Variants in FRMD4A observed in about 807,000 individuals in gnomAD.
The protein encoded by FRMD4A is FERM domain containing 4A.
Under a neutral mutation model 129.1 loss-of-function variants are expected in FRMD4A, and 29 were observed. The observed-to-expected ratio is 0.22, with a 90% CI of 0.17 to 0.31. FRMD4A has a LOEUF of 0.31. Ranked by LOEUF, FRMD4A falls within the 10% of genes least tolerant of loss-of-function variation. FRMD4A has a pLI of 1.00. For missense variants in FRMD4A, 1,272 were observed against 1,375.8 expected (o/e 0.92, Z 1.19); for synonymous variants, 634 against 571.6 (o/e 1.11, Z -1.56).
At chr10:13,658,132 T>TAA (rs565374030) in intron 21 of FRMD4A, among the ~76,000 whole-genome samples, 1,733 of 81,188 alleles carry the variant, frequency 0.021, 62 homozygotes, top group African/African-American at 0.028. Flanking sequence ...CTGTCTCTCT[T>TAA]AAAAAAAAAA....
chr10:13,758,389 T>G (rs1166558736), intron 8 of FRMD4A, among the ~76,000 whole-genome samples: 1 of 152,230 alleles, frequency 6.6e-6, no homozygotes, highest in Non-Finnish European at 1.5e-5. Flanking sequence ...AAGCTGGTAT[T>G]TTATTAATGT....
intron 2 of FRMD4A, among the ~76,000 whole-genome samples, chr10:14,169,441 C>T (rs1225775356): frequency 6.6e-6 from 1 of 152,132 alleles, no homozygotes; most frequent in African/African-American, 2.4e-5. Context: ...GCACACACAC[C>T]CTTTTCCTAT....
At chr10:13,669,542 A>C (rs74121827) in intron 17 of FRMD4A, among the ~76,000 whole-genome samples, 2,778 of 152,198 alleles carry the variant, frequency 0.018, 86 homozygotes, top group African/African-American at 0.063. Flanking sequence ...GTTTCTCCCA[A>C]TCACTTTCTT....
chr10:13,944,351 A>G (rs2095316154), intron 2 of FRMD4A, among the ~76,000 whole-genome samples: 1 of 152,014 alleles, frequency 6.6e-6, no homozygotes, highest in Non-Finnish European at 1.5e-5. Context: ...TGAGAATTCA[A>G]TGCCTGATGA....
intron 2 of FRMD4A, among the ~76,000 whole-genome samples, chr10:14,185,494 TA>T (rs1842068755): frequency 1.3e-5 from 2 of 152,188 alleles, no homozygotes; most frequent in East Asian, 1.9e-4. Flanking sequence ...GTAATTTTTC[TA>T]ACTTCAAGTA....
chr10:13,657,262 G>T lies in FRMD4A; in HGVS notation c.2327C>A (p.Pro776Gln), dbSNP rs574565219. 2 of 1,599,348 alleles carry T rather than the reference G, an allele frequency of 1.3e-6. No homozygotes were observed. Among genetic ancestry groups the T allele is most frequent in the Non-Finnish European group, 1.7e-6 (2 of 1,176,238 alleles). ...ANYSTLAEDS[P>Q]SKARQRQRQR... ...CCTCTGCCTCTGGCGCGCCTTGGAC[G>T]GCGAGTCCTCGGCCAGCGTGGAGTA... The change falls in exon 22 of 25, where the codon CCG (proline) becomes CAG (glutamine). Residue 776 changes from proline (P) to glutamine (Q), a missense_variant. Pro to Gln is a moderately conservative substitution (Grantham distance 76, BLOSUM62 -1). This residue lies in a region of FRMD4A where 972 missense variants were observed against 892.3 expected (regional missense o/e 1.09). Coordinates refer to ENST00000357447, the MANE Select transcript of FRMD4A (RefSeq NM_018027.5).
At chr10:13,764,099 T>C (rs2092183266) in intron 6 of FRMD4A, among the ~76,000 whole-genome samples, 1 of 152,064 alleles carries the variant, frequency 6.6e-6, no homozygotes, top group Non-Finnish European at 1.5e-5. Context: ...TGTAAACAAT[T>C]TGATGAGTTT....
chr10:14,229,392 T>A (rs1411691595), intron 2 of FRMD4A, among the ~76,000 whole-genome samples: 1 of 152,198 alleles, frequency 6.6e-6, no homozygotes, highest in Non-Finnish European at 1.5e-5. Flanking sequence ...AAATATTACA[T>A]TTCTTTAAGT....
At chr10:14,187,836 TA>T (rs1207420555) in intron 2 of FRMD4A, among the ~76,000 whole-genome samples, 8 of 152,254 alleles carry the variant, frequency 5.3e-5, no homozygotes, top group African/African-American at 1.4e-4. Flanking sequence ...CATATTTCAC[TA>T]GGGGGAAATA....
Position 13,659,450 on chromosome 10 carries a change from C to G in FRMD4A, c.1939G>C (p.Ala647Pro). Residue 647 changes from alanine (A) to proline (P), a missense_variant, in exon 21 of 25, where the codon GCC becomes CCC. Ala to Pro is a conservative substitution (Grantham distance 27, BLOSUM62 -1). Around this residue, in one of 2 missense-constraint regions of FRMD4A, gnomAD observed 972 missense variants for 892.3 expected, o/e 1.09. Transcript: ENST00000357447. ...TGCAAGGAGTTGCTTCCTCCGCCGG[C>G]TTCCGCACAGCTTCCTGTGCTGGGG... is the stretch of plus-strand genomic sequence containing the variant. ...RFPSTGSCAE[A>P]GGGSNSLQNS... The G allele has an allele frequency of 5.0e-6, 8 of 1,613,588 alleles. No homozygotes were observed. The highest frequency in any genetic ancestry group is 6.8e-6 in the Non-Finnish European group (8 of 1,179,916).
At chr10:13,687,281 G>A (rs1008906042) in intron 15 of FRMD4A, among the ~76,000 whole-genome samples, 9 of 152,204 alleles carry the variant, frequency 5.9e-5, no homozygotes, top group Non-Finnish European at 1.2e-4. Context: ...GGGCGACAGA[G>A]CAAGACTCCA....
chr10:13,779,349 C>T (rs79462713), intron 6 of FRMD4A, among the ~76,000 whole-genome samples: 2,684 of 152,110 alleles, frequency 0.018, 103 homozygotes, highest in South Asian at 0.12. Flanking sequence ...ATTTAATCTT[C>T]CATCAATGTT....
intron 2 of FRMD4A, among the ~76,000 whole-genome samples, chr10:14,316,205 C>T (rs1198514820): frequency 6.6e-6 from 1 of 152,034 alleles, no homozygotes; most frequent in Non-Finnish European, 1.5e-5. Flanking sequence ...ATATTTATTC[C>T]CTCCAAAACT....
chr10:13,851,568 G>T (rs558213803), intron 3 of FRMD4A, among the ~76,000 whole-genome samples: 103 of 152,054 alleles, frequency 6.8e-4, no homozygotes, highest in Middle Eastern at 3.4e-3. Context: ...CAAACCCTAC[G>T]GTGAACTATA....
At chr10:14,073,655 C>T (rs959378351) in intron 2 of FRMD4A, among the ~76,000 whole-genome samples, 9 of 151,934 alleles carry the variant, frequency 5.9e-5, no homozygotes, top group South Asian at 2.1e-4. Context: ...AAGAAGCGAA[C>T]GGAGTGAGGG....
chr10:13,834,451 G>A (rs993021248), intron 3 of FRMD4A, among the ~76,000 whole-genome samples: 1 of 152,132 alleles, frequency 6.6e-6, no homozygotes. Flanking sequence ...ACAGTCCTTT[G>A]TGCTCTTCTC....
intron 12 of FRMD4A, among the ~76,000 whole-genome samples, chr10:13,735,552 T>C (rs2090581853): frequency 6.6e-6 from 1 of 152,228 alleles, no homozygotes; most frequent in Non-Finnish European, 1.5e-5. Context: ...AAGTGCTAGC[T>C]CATCACCTCT....
At chr10:13,977,219 A>G (rs573250315) in intron 2 of FRMD4A, among the ~76,000 whole-genome samples, 4 of 152,370 alleles carry the variant, frequency 2.6e-5, no homozygotes, top group African/African-American at 9.6e-5. Flanking sequence ...GTGAGCAGTG[A>G]GCAGGCGTCC....
At chr10:13,699,635 G>T (rs544279205) in intron 14 of FRMD4A, among the ~76,000 whole-genome samples, 1 of 152,100 alleles carries the variant, frequency 6.6e-6, no homozygotes, top group Admixed American at 6.5e-5. Flanking sequence ...TACAGTGCGT[G>T]GGGGGTCTGC....
Sources: allele counts gnomAD v4.1 joint callset (sites outside exome capture counted in the v4.1 genomes callset), GRCh38; gene constraint gnomAD v4.1.1; regional missense constraint gnomAD v4.1.1; transcripts MANE v1.5; gene names NCBI Gene and HGNC (gene_info 2026-07-23, HGNC 2026-07-21).